The following GRIP1 variants were observed in gnomAD, a reference collection of about 807,000 sequenced individuals.
The protein encoded by GRIP1 is glutamate receptor-interacting protein 1.
Under a neutral mutation model 129.9 loss-of-function variants are expected in GRIP1, and 45 were observed. The observed-to-expected ratio is 0.35, with a 90% CI of 0.27 to 0.44. GRIP1 has a LOEUF of 0.44. Among genes scored for constraint, GRIP1 ranks in the 20% least tolerant of loss-of-function variants. The probability of loss-of-function intolerance (pLI) is 1.00; values close to 1 mark genes in which losing one functional copy is unlikely to be tolerated. For missense variants in GRIP1, 1,196 were observed against 1,396.8 expected (o/e 0.86, Z 2.29); for synonymous variants, 530 against 520.8 (o/e 1.02, Z -0.24).
chr12:66,917,883 C>A (rs1359016200), intron 1 of GRIP1, among the ~76,000 whole-genome samples: 1 of 151,458 alleles, frequency 6.6e-6, no homozygotes, highest in Non-Finnish European at 1.5e-5. Flanking sequence ...ATCTCTGAAC[C>A]AAAACTACTG....
At chr12:66,523,410 T>G (rs1338880722) in intron 5 of GRIP1, among the ~76,000 whole-genome samples, 1 of 147,868 alleles carries the variant, frequency 6.8e-6, no homozygotes. Flanking sequence ...CAACCCAGAA[T>G]TTCATATCCA....
chr12:66,989,714 C>T (rs1488344598), intron 1 of GRIP1, among the ~76,000 whole-genome samples: 1 of 152,122 alleles, frequency 6.6e-6, no homozygotes, highest in Non-Finnish European at 1.5e-5. Context: ...TAAACACTGT[C>T]ACTACACAAG....
chr12:66,424,960 G>T (rs2057932776), intron 14 of GRIP1, among the ~76,000 whole-genome samples: 1 of 151,874 alleles, frequency 6.6e-6, no homozygotes, highest in Non-Finnish European at 1.5e-5. Flanking sequence ...CTTCTCTCTT[G>T]CATCCTTAGA....
At chr12:67,051,142 G>T (rs539845984) in intron 1 of GRIP1, among the ~76,000 whole-genome samples, 1 of 152,204 alleles carries the variant, frequency 6.6e-6, no homozygotes, top group East Asian at 1.9e-4. Flanking sequence ...TGAAAAATCA[G>T]GTACCAGACA....
intron 6 of GRIP1, among the ~76,000 whole-genome samples, chr12:66,517,686 T>G (rs557933770): frequency 6.6e-6 from 1 of 152,308 alleles, no homozygotes; most frequent in Admixed American, 6.5e-5. Flanking sequence ...GACCTCAGTA[T>G]TAAGTCACTT....
At chr12:66,633,705 T>G (rs1216439856) in intron 1 of GRIP1, among the ~76,000 whole-genome samples, 1 of 152,164 alleles carries the variant, frequency 6.6e-6, no homozygotes, top group Non-Finnish European at 1.5e-5. Flanking sequence ...GTGACAGAAC[T>G]AGAATTTGAA....
At chr12:66,742,539 T>C (rs1408620077) in intron 1 of GRIP1, among the ~76,000 whole-genome samples, 1 of 152,018 alleles carries the variant, frequency 6.6e-6, no homozygotes, top group East Asian at 1.9e-4. Flanking sequence ...AAAGGTTAAT[T>C]GGAAAGGAAG....
intron 1 of GRIP1, among the ~76,000 whole-genome samples, chr12:66,695,795 C>G (rs762046580): frequency 1.3e-5 from 2 of 152,092 alleles, no homozygotes; most frequent in African/African-American, 2.4e-5. Context: ...AACAATAATT[C>G]AGTGGAATAT....
At chr12:66,486,148 T>C (rs1015319649) in intron 7 of GRIP1, among the ~76,000 whole-genome samples, 1 of 152,064 alleles carries the variant, frequency 6.6e-6, no homozygotes, top group Non-Finnish European at 1.5e-5. Flanking sequence ...AAAGTAAAGC[T>C]CAGTAACTAA....
At chr12:66,977,579 T>C (rs559940659) in intron 1 of GRIP1, among the ~76,000 whole-genome samples, 28 of 152,194 alleles carry the variant, frequency 1.8e-4, no homozygotes, top group African/African-American at 5.5e-4. Context: ...TACCTCTCCC[T>C]GAGGTACACC....
chr12:66,577,893 T>C (rs953291624), intron 2 of GRIP1, among the ~76,000 whole-genome samples: 1 of 152,150 alleles, frequency 6.6e-6, no homozygotes, highest in Non-Finnish European at 1.5e-5. Flanking sequence ...GGTAAAGCTT[T>C]TAGTGAGCCA....
chr12:66,424,259 A>G (rs1352429496), intron 14 of GRIP1, among the ~76,000 whole-genome samples: 10 of 152,222 alleles, frequency 6.6e-5, no homozygotes, highest in African/African-American at 1.4e-4. Context: ...CTATAGATAT[A>G]CATTCTTGGT....
chr12:66,903,567 T>G (rs1468538288), intron 1 of GRIP1, among the ~76,000 whole-genome samples: 1 of 152,126 alleles, frequency 6.6e-6, no homozygotes, highest in Non-Finnish European at 1.5e-5. Context: ...TGAGGTTAAG[T>G]TTTTAGTATT....
At chr12:66,689,158 C>T (rs985872993) in intron 1 of GRIP1, among the ~76,000 whole-genome samples, 2 of 152,148 alleles carry the variant, frequency 1.3e-5, no homozygotes, top group Non-Finnish European at 2.9e-5. Context: ...GTCCAGTTTC[C>T]CATCAAAAGA....
intron 1 of GRIP1, among the ~76,000 whole-genome samples, chr12:66,669,458 T>C (rs1363225225): frequency 6.6e-6 from 1 of 152,230 alleles, no homozygotes; most frequent in East Asian, 1.9e-4. Flanking sequence ...GCATTTTCTT[T>C]GTACCAAATA....
rs543405927 is a variant in GRIP1, at chr12:66,492,661, A to T, written c.724+22958T>A. On this transcript the variant is annotated intron_variant, in intron 7 of 24. Transcript: ENST00000359742. ...AATTAGAAGAATTTGATATAGCTAGAATTTGACCTAGCTAGAAGGGACAGC... is the reference window on the plus strand; with the variant it reads ...AATTAGAAGAATTTGATATAGCTAGTATTTGACCTAGCTAGAAGGGACAGC... Among the ~76,000 whole-genome samples the T allele has an allele frequency of 3.9e-5, 6 of 152,314 alleles. No homozygotes were observed. In the East Asian group the frequency reaches 1.2e-3, roughly 29 times the overall value.
intron 5 of GRIP1, among the ~76,000 whole-genome samples, chr12:66,524,442 G>A (rs1201946657): frequency 2.0e-5 from 3 of 152,012 alleles, no homozygotes; most frequent in African/African-American, 4.8e-5. Context: ...GGTACATAAC[G>A]AAATGAAGGC....
intron 1 of GRIP1, among the ~76,000 whole-genome samples, chr12:66,688,506 T>A (rs1565968450): frequency 6.6e-6 from 1 of 152,142 alleles, no homozygotes; most frequent in Non-Finnish European, 1.5e-5. Context: ...TATAGTTATA[T>A]AAGAAGCATA....
intron 1 of GRIP1, among the ~76,000 whole-genome samples, chr12:66,768,886 T>C (rs537841732): frequency 1.3e-5 from 2 of 152,242 alleles, no homozygotes; most frequent in South Asian, 4.1e-4. Flanking sequence ...ACACTCCAGA[T>C]CAACTCTGTC....
Sources: allele counts gnomAD v4.1 joint callset (sites outside exome capture counted in the v4.1 genomes callset), GRCh38; gene constraint gnomAD v4.1.1; transcripts MANE v1.5; gene names NCBI Gene and HGNC (gene_info 2026-07-23, HGNC 2026-07-21).